The following PLD5 variants were observed in gnomAD, a reference collection of about 807,000 sequenced individuals.
The protein encoded by PLD5 is phospholipase D family member 5.
PLD5 carries 36 observed loss-of-function variants against 61.1 expected under a neutral mutation model. That is an observed-to-expected ratio of 0.59 (90% CI 0.45 to 0.78). The LOEUF is 0.78. PLD5 is among the 30% of genes least tolerant of loss of function. The pLI is 0.00. For missense variants in PLD5, 515 were observed against 644.4 expected (o/e 0.80, Z 2.17); for synonymous variants, 243 against 242.8 (o/e 1.00, Z -0.01).
At position 242,088,427 on chromosome 1, in the gene PLD5, A is replaced by G; in HGVS notation, c.*1427T>C. ...TATGACAAAGTTTATTTCAAGAAAA[A>G]GATTATATATTATAATGCTTAGCAT... On this transcript the variant is annotated 3_prime_UTR_variant, in exon 10 of 10. Transcript: ENST00000536534. 1 of 152,220 alleles carries G rather than the reference A, an allele frequency of 6.6e-6. No individual in the cohort carries two copies. The highest frequency in any genetic ancestry group is 1.9e-4 in the East Asian group (1 of 5,208). 9.4% of individuals were successfully genotyped at this position (152,220 alleles called of 1,614,324 possible).
intron 9 of PLD5, among the ~76,000 whole-genome samples, 160 bp downstream of exon 9, chr1:242,100,508 C>T (rs1476675804): frequency 6.6e-6 from 1 of 152,166 alleles, no homozygotes; most frequent in Non-Finnish European, 1.5e-5. Flanking sequence ...TGATGAGCTC[C>T]CTGTCCTTAC....
At position 242,088,428 on chromosome 1, in the gene PLD5, G is replaced by C. The variant is rs41310577; in HGVS notation, c.*1426C>G. 2 of 152,286 alleles carry C rather than the reference G, an allele frequency of 1.3e-5. No individual in the cohort carries two copies. The highest frequency in any genetic ancestry group is 4.8e-5 in the African/African-American group (2 of 41,564). The allele number at this position is 152,286 out of a possible 1,614,324, so 9.4% of individuals were successfully genotyped here. ...ATGACAAAGTTTATTTCAAGAAAAA[G>C]ATTATATATTATAATGCTTAGCATT... On this transcript the variant is annotated 3_prime_UTR_variant, in exon 10 of 10. Transcript: ENST00000536534.
intron 1 of PLD5, among the ~76,000 whole-genome samples, chr1:242,480,448 G>C (rs116108582): frequency 2.6e-3 from 394 of 152,058 alleles, no homozygotes; most frequent in African/African-American, 9.2e-3. Flanking sequence ...GTAGGCAAAA[G>C]TTTCTTAAAG....
intron 1 of PLD5, chr1:242,377,271 A>T: frequency 6.2e-7 from 1 of 1,610,042 alleles, no homozygotes; most frequent in Non-Finnish European, 8.5e-7. Flanking sequence ...GAACTGCAGC[A>T]GGTTTTCAGT....
chr1:242,464,419 C>T (rs575691579), intron 1 of PLD5, among the ~76,000 whole-genome samples: 64 of 152,330 alleles, frequency 4.2e-4, no homozygotes, highest in Admixed American at 7.8e-4. Flanking sequence ...CATAGCTTTC[C>T]TTACCTCAGT....
intron 5 of PLD5, among the ~76,000 whole-genome samples, chr1:242,168,854 T>TTTTTTTG (rs1666529456): frequency 7.2e-6 from 1 of 139,024 alleles, no homozygotes; most frequent in Non-Finnish European, 1.5e-5. Context: ...AAGTTTTTTT[T>TTTTTTTG]TTTTTTTTTT....
chr1:242,510,050 C>T (rs933728176), intron 1 of PLD5, among the ~76,000 whole-genome samples: 2 of 152,130 alleles, frequency 1.3e-5, no homozygotes, highest in Non-Finnish European at 1.5e-5. Flanking sequence ...ATCTTTTCTT[C>T]GTTCTCATTG....
intron 1 of PLD5, among the ~76,000 whole-genome samples, chr1:242,353,046 C>A (rs960197430): frequency 2.6e-5 from 4 of 151,936 alleles, no homozygotes; most frequent in Non-Finnish European, 4.4e-5. Context: ...GAATGTAATC[C>A]CATGTGTTTA....
intron 1 of PLD5, among the ~76,000 whole-genome samples, chr1:242,481,973 C>T (rs1667793466): frequency 6.6e-6 from 1 of 152,212 alleles, no homozygotes; most frequent in Admixed American, 6.5e-5. Context: ...CTCCAGCAAA[C>T]ACCAACTGAC....
At chr1:242,508,102 G>A (rs1668784996) in intron 1 of PLD5, among the ~76,000 whole-genome samples, 1 of 151,716 alleles carries the variant, frequency 6.6e-6, no homozygotes, top group African/African-American at 2.4e-5. Context: ...AGTGGCTCAT[G>A]CCTGTAATCC....
At chr1:242,104,708 T>TG (rs1327457568) in intron 8 of PLD5, among the ~76,000 whole-genome samples, 2 of 152,100 alleles carry the variant, frequency 1.3e-5, no homozygotes, top group Non-Finnish European at 2.9e-5. Context: ...TTTGTAGAGA[T>TG]GGGGGTCTCC....
intron 2 of PLD5, among the ~76,000 whole-genome samples, chr1:242,331,774 A>G (rs1659188259): frequency 6.6e-6 from 1 of 152,194 alleles, no homozygotes; most frequent in Non-Finnish European, 1.5e-5. Flanking sequence ...TTCATCTAGA[A>G]ATATTTTGAG....
At chr1:242,528,089 G>T (rs1317783075), upstream of PLD5, among the ~76,000 whole-genome samples, 17 of 152,114 alleles carry the variant, frequency 1.1e-4, no homozygotes, top group Non-Finnish European at 2.1e-4. Flanking sequence ...ACATGTTTTT[G>T]CTTCTTTATT....
chr1:242,156,815 G>A (rs752022736), intron 5 of PLD5, among the ~76,000 whole-genome samples: 23 of 152,138 alleles, frequency 1.5e-4, no homozygotes, highest in Non-Finnish European at 3.1e-4. Context: ...TTGGTTGAAT[G>A]TGACAATTAT....
At chr1:242,391,179 A>C (rs1041479770) in intron 1 of PLD5, among the ~76,000 whole-genome samples, 1 of 152,150 alleles carries the variant, frequency 6.6e-6, no homozygotes, top group Non-Finnish European at 1.5e-5. Flanking sequence ...TGGGTGAGAG[A>C]GCGAGACTCC....
chr1:242,107,937 AC>A, intron 7 of PLD5, 98 bp from the exon 8 acceptor site: 2 of 1,183,172 alleles, frequency 1.7e-6, no homozygotes, highest in Admixed American at 2.7e-5. Context: ...TCAGATCATT[AC>A]TTTATCCTGT....
intron 2 of PLD5, among the ~76,000 whole-genome samples, chr1:242,290,033 C>A (rs1675267601): frequency 6.6e-6 from 1 of 150,576 alleles, no homozygotes; most frequent in South Asian, 2.1e-4. Context: ...ATTTGTTGAG[C>A]CTTTATAAGC....
chr1:242,184,456 C>T (rs904159808), intron 5 of PLD5, among the ~76,000 whole-genome samples: 1 of 152,146 alleles, frequency 6.6e-6, no homozygotes, highest in African/African-American at 2.4e-5. Context: ...GCGATCTCCA[C>T]CTGCTGGGTT....
intron 1 of PLD5, among the ~76,000 whole-genome samples, chr1:242,490,883 A>T (rs1343195468): frequency 6.6e-6 from 1 of 152,144 alleles, no homozygotes; most frequent in Middle Eastern, 3.2e-3. Flanking sequence ...ATTCCTAATA[A>T]AATCCGTGGT....
Sources: allele counts gnomAD v4.1 joint callset (sites outside exome capture counted in the v4.1 genomes callset), GRCh38; gene constraint gnomAD v4.1.1; transcripts MANE v1.5; gene names NCBI Gene and HGNC (gene_info 2026-07-23, HGNC 2026-07-21).